NRK: variants seen among roughly 807,000 people sequenced by gnomAD.
NRK encodes the protein nik-related protein kinase.
In NRK, 67 loss-of-function variants were observed where a neutral mutation model predicts 125.2. That is an observed-to-expected ratio of 0.54 (90% confidence interval 0.44 to 0.66). The LOEUF (loss-of-function observed/expected upper bound fraction) is 0.66, where lower values mean the gene tolerates loss of function less well. Among genes scored for constraint, NRK ranks in the 30% least tolerant of loss-of-function variants. The pLI, the probability that NRK is intolerant of heterozygous loss-of-function variation, is 0.00. For synonymous variants in NRK, 458 were observed against 429.0 expected, an observed-to-expected ratio of 1.07 and a Z score of -0.84; for missense variants, 1,224 against 1,192.9, an observed-to-expected ratio of 1.03 and a Z score of -0.38.
intron 26 of NRK, chrX:105,948,366 C>T (rs2040845792): frequency 1.2e-5 from 2 of 173,677 alleles, no homozygotes; most frequent in South Asian, 4.9e-4. Flanking sequence ...AGAGAAAGGA[C>T]TCTAATATCA....
Position 105,923,323 on chromosome X carries a change from A to G in NRK, c.2816A>G (p.Asn939Ser), listed in dbSNP as rs2040477864. 1.7e-6 allele frequency: 2 copies of G among 1,190,330 alleles called. No individual in the cohort carries two copies. Among genetic ancestry groups the G allele is most frequent in the East Asian group, 3.0e-5 (1 of 32,980 alleles). The change falls in exon 18 of 29, where the codon AAT (asparagine) becomes AGT (serine). Residue 939 changes from asparagine (N) to serine (S), a missense_variant. Physicochemically the swap from Asn to Ser is conservative, Grantham distance 46. Transcript: ENST00000243300. ...DTDGDDDDES[N>S]DTFEDTYDHA... ...GATGGTGATGATGATGATGAGTCTA[A>G]TGATACTTTTGAAGATACCTATGAT... is the stretch of plus-strand genomic sequence containing the variant.
chrX:105,919,889 T>G (rs1193898274), intron 16 of NRK, among the ~76,000 whole-genome samples: 1 of 109,316 alleles, frequency 9.1e-6, no homozygotes, highest in African/African-American at 3.3e-5. Context: ...CAGAAGCTCT[T>G]TAGTTTAATT....
In NRK at chrX:105,940,014, T is replaced by G; in HGVS notation, c.3940T>G (p.Cys1314Gly). ...ACKAIDKLTG[C>G]EHFSVLQHEE... ...CAAAGCTATTGATAAGTTAACAGGC[T>G]GTGAACACTTCAGTGTCCGTAAGCC... The change falls in exon 23 of 29, where the codon TGT becomes GGT. Residue 1314 changes from cysteine (C) to glycine (G), a missense_variant. Coordinates refer to ENST00000243300, the MANE Select transcript of NRK (RefSeq NM_198465.4). 8.5e-7 allele frequency: 1 copy of G among 1,180,489 alleles called. No homozygotes were observed.
chrX:105,937,508 C>T lies in NRK; in HGVS notation c.3725C>T (p.Thr1242Ile). ...GACAGAAGTGGAAAGGCTGACATTA[C>T]TAAACTTATAAGGCGAAGACCATTC... is the stretch of plus-strand genomic sequence containing the variant. ...LMDRSGKADI[T>I]KLIRRRPFRQ... Residue 1242 changes from threonine (T) to isoleucine (I), a missense_variant, in exon 22 of 29, where the codon ACT (threonine) becomes ATT (isoleucine). Physicochemically the swap from Thr to Ile is moderately conservative, Grantham distance 89. Coordinates refer to ENST00000243300, the MANE Select transcript of NRK (RefSeq NM_198465.4). 1 of 1,199,191 alleles carries T rather than the reference C, an allele frequency of 8.3e-7. No homozygotes were observed. Among genetic ancestry groups the T allele is most frequent in the Non-Finnish European group, 1.1e-6 (1 of 885,823 alleles).
rs755751515 is a variant in NRK at position 105,887,851 on chromosome X, G to T, written c.253-443G>T. Among the ~76,000 whole-genome samples the T allele has an allele frequency of 1.3e-4, 15 of 112,239 alleles. No homozygotes were observed. In the South Asian group the frequency reaches 5.2e-3, roughly 39 times the overall value. On this transcript the variant is annotated intron_variant, in intron 4 of 28. Coordinates refer to ENST00000243300, the MANE Select transcript of NRK (RefSeq NM_198465.4). ...AAAGGATATGGGGTTTCCTTTTGGA[G>T]TGATAAAAATGTTCTAAAATTGATT...
At position 105,822,724 on chromosome X, in the gene NRK, C is replaced by T; in HGVS notation, c.-122C>T. The T allele has an allele frequency of 1.5e-6, 1 of 682,594 alleles. No homozygotes were observed. The highest frequency in any genetic ancestry group is 2.3e-6 in the Non-Finnish European group (1 of 431,578). 56.3% of individuals were successfully genotyped at this position (682,594 alleles called of 1,213,427 possible). ...TCTCCCACGCCACGAACCCCGATCC[C>T]CAGACTCCTCTCTCCCGCCCTCCTC... On this transcript the variant is annotated 5_prime_UTR_variant, in exon 1 of 29. Coordinates refer to ENST00000243300, the MANE Select transcript of NRK (RefSeq NM_198465.4).
intron 2 of NRK, among the ~76,000 whole-genome samples, chrX:105,849,354 A>C (rs1454659374): frequency 1.8e-5 from 2 of 111,595 alleles, no homozygotes; most frequent in Non-Finnish European, 3.8e-5. Context: ...GAATTCTGGG[A>C]GATACAATTC....
rs2040646100 is a variant in NRK, at chrX:105,935,198, G to C, written c.3528G>C (p.Glu1176Asp). The C allele has an allele frequency of 1.7e-6, 2 of 1,197,453 alleles. No homozygotes were observed. The highest frequency in any genetic ancestry group is 2.3e-6 in the Non-Finnish European group (2 of 883,184). The change falls in exon 21 of 29, where the codon GAG becomes GAC. Residue 1176 changes from glutamate to aspartate, a missense_variant. Transcript: ENST00000243300. ...ILYAGFVEVP[E>D]ESPKQPSEVN... ...ACGCTGGATTCGTAGAAGTACCTGAGGAATCACCTAAGCAACCCTCTGAAG... is the reference window on the plus strand; with the variant it reads ...ACGCTGGATTCGTAGAAGTACCTGACGAATCACCTAAGCAACCCTCTGAAG...
chrX:105,935,123 A>C (rs1304135024), intron 20 of NRK, 47 bp from the exon 21 acceptor site: 1 of 1,019,357 alleles, frequency 9.8e-7, no homozygotes, highest in Non-Finnish European at 1.4e-6. Context: ...TCCATCATGC[A>C]CAGAACTAGT....
chrX:105,955,121 A>G (rs1305492624), intron 28 of NRK, among the ~76,000 whole-genome samples: 4 of 111,742 alleles, frequency 3.6e-5, no homozygotes, highest in Non-Finnish European at 7.5e-5. Flanking sequence ...AGCAATGGTA[A>G]ACAACACCTA....
At chrX:105,858,435 T>A (rs1233878555) in intron 2 of NRK, among the ~76,000 whole-genome samples, 1 of 108,202 alleles carries the variant, frequency 9.2e-6, no homozygotes, top group East Asian at 2.9e-4. Context: ...TTGAAAGATA[T>A]GTGGATGGAT....
intron 2 of NRK, among the ~76,000 whole-genome samples, chrX:105,873,577 A>T (rs1404090056): frequency 9.0e-6 from 1 of 111,681 alleles, no homozygotes; most frequent in Non-Finnish European, 1.9e-5. Context: ...TTACACTGAA[A>T]TTTCTGGCAT....
At chrX:105,925,118 A>G in intron 19 of NRK, 87 bp downstream of exon 19, 1 of 724,531 alleles carries the variant, frequency 1.4e-6, no homozygotes, top group Non-Finnish European at 2.1e-6. Flanking sequence ...AGCCATTCCA[A>G]ATAGATTTTC....
rs1334690155 is a variant in NRK, at chrX:105,957,720, G to T, written c.*2120G>T. The T allele has an allele frequency of 8.9e-6, 1 of 111,797 alleles. No homozygotes were observed. The highest frequency in any genetic ancestry group is 1.9e-5 in the Non-Finnish European group (1 of 53,186). 9.2% of individuals were successfully genotyped at this position (111,797 alleles called of 1,213,427 possible). On this transcript the variant is annotated 3_prime_UTR_variant, in exon 29 of 29. Coordinates refer to ENST00000243300, the MANE Select transcript of NRK (RefSeq NM_198465.4). ...AAGGATAAAGTGTTAATAAAGAAAG[G>T]AAGCTGGGCACATGTCAAAAAGGGA...
chrX:105,879,897 G>T (rs2147706035), intron 2 of NRK, among the ~76,000 whole-genome samples: 1 of 110,739 alleles, frequency 9.0e-6, no homozygotes, highest in Non-Finnish European at 1.9e-5. Flanking sequence ...CTAGATTAAA[G>T]ACACTAAGTA....
chrX:105,925,009 A>G lies in NRK; in HGVS notation c.3290A>G (p.Gln1097Arg). 4 of 1,205,404 alleles carry G rather than the reference A, an allele frequency of 3.3e-6. No individual in the cohort carries two copies. The highest frequency in any genetic ancestry group is 4.5e-6 in the Non-Finnish European group (4 of 890,370). Residue 1097 changes from glutamine (Q) to arginine (R), a missense_variant, in exon 19 of 29, where the codon CAG becomes CGG. Coordinates refer to ENST00000243300, the MANE Select transcript of NRK (RefSeq NM_198465.4). Reference protein sequence around the residue: ...DGPGLKRPASQDFEYLQEEPG... With the variant: ...DGPGLKRPASRDFEYLQEEPG... ...CCAGGATTGAAGAGACCTGCGTCTC[A>G]GGACTTTGAATATCTACAGGAGGTA...
At chrX:105,878,181 A>G (rs1217535022) in intron 2 of NRK, among the ~76,000 whole-genome samples, 1 of 111,052 alleles carries the variant, frequency 9.0e-6, no homozygotes, top group East Asian at 2.8e-4. Flanking sequence ...ATAATTATGA[A>G]AACAATGCTT....
chrX:105,832,128 A>C (rs1419055713), intron 2 of NRK, among the ~76,000 whole-genome samples: 1 of 111,944 alleles, frequency 8.9e-6, no homozygotes, highest in Non-Finnish European at 1.9e-5. Flanking sequence ...ACTGTAATAT[A>C]AGATCTGTAA....
chrX:105,866,696 T>C (rs2039676062), intron 2 of NRK, among the ~76,000 whole-genome samples: 1 of 112,144 alleles, frequency 8.9e-6, no homozygotes, highest in Non-Finnish European at 1.9e-5. Context: ...ATGTATTTAC[T>C]TTATTGGATA....
Sources: allele counts gnomAD v4.1 joint callset (sites outside exome capture counted in the v4.1 genomes callset), GRCh38; gene constraint gnomAD v4.1.1; transcripts MANE v1.5; gene names NCBI Gene and HGNC (gene_info 2026-07-23, HGNC 2026-07-21).